The following GALNT2 variants were observed in gnomAD, a reference collection of about 807,000 sequenced individuals.
The protein encoded by GALNT2 is polypeptide N-acetylgalactosaminyltransferase 2.
GALNT2 carries 31 observed loss-of-function variants against 81.4 expected under a neutral mutation model. The ratio of observed to expected loss-of-function variants is 0.38; its 90% CI spans 0.29 to 0.51. The LOEUF (loss-of-function observed/expected upper bound fraction) is 0.51. GALNT2 is among the 20% of genes least tolerant of loss of function. GALNT2 has a pLI of 0.87. For synonymous variants in GALNT2, 303 were observed against 287.4 expected, an observed-to-expected ratio of 1.05 and a Z score of -0.55; for missense variants, 629 against 765.7, an observed-to-expected ratio of 0.82 and a Z score of 2.11.
At chr1:230,262,543 A>G (rs776063626) in intron 11 of GALNT2, 30 bp from the exon 12 acceptor site, 5 of 1,581,436 alleles carry the variant, frequency 3.2e-6, no homozygotes, top group Non-Finnish European at 4.3e-6. Flanking sequence ...AAGAAAGGAA[A>G]TCACACCTCA....
At chr1:230,250,607 G>T (rs1473526554) in intron 10 of GALNT2, 47 bp downstream of exon 10, 10 of 1,428,296 alleles carry the variant, frequency 7.0e-6, no homozygotes, top group Non-Finnish European at 8.6e-6. Flanking sequence ...CCTCAGCTCT[G>T]CAAAAGGCAG....
intron 1 of GALNT2, among the ~76,000 whole-genome samples, chr1:230,083,274 G>A (rs1479903477): frequency 6.9e-6 from 1 of 143,998 alleles, no homozygotes; most frequent in Non-Finnish European, 1.5e-5. Flanking sequence ...ATGATGGAGT[G>A]GGGAGCCCAG....
intron 3 of GALNT2, among the ~76,000 whole-genome samples, chr1:230,209,614 G>C (rs1244210165): frequency 6.6e-6 from 1 of 152,192 alleles, no homozygotes; most frequent in East Asian, 1.9e-4. Flanking sequence ...GGCCAAGGCG[G>C]GTGAATCGCT....
chr1:230,265,183 T>G (rs1572155800), intron 13 of GALNT2, 58 bp from the exon 14 acceptor site: 1 of 1,610,898 alleles, frequency 6.2e-7, no homozygotes, highest in Non-Finnish European at 8.5e-7. Context: ...AAGGGGCTGG[T>G]GGACGGGAGC....
At chr1:230,077,654 C>T (rs946055181) in intron 1 of GALNT2, among the ~76,000 whole-genome samples, 1 of 152,168 alleles carries the variant, frequency 6.6e-6, no homozygotes, top group African/African-American at 2.4e-5. Context: ...AGTCCAAGCA[C>T]TCTGAGTCAC....
intron 1 of GALNT2, among the ~76,000 whole-genome samples, chr1:230,113,411 G>T (rs1028837626): frequency 1.3e-5 from 2 of 152,062 alleles, no homozygotes; most frequent in Admixed American, 6.6e-5. Context: ...ACCTGGAGCT[G>T]CAGGGCGGAG....
intron 1 of GALNT2, among the ~76,000 whole-genome samples, chr1:230,130,329 G>A (rs561241735): frequency 6.6e-5 from 10 of 152,296 alleles, no homozygotes; most frequent in African/African-American, 9.6e-5. Flanking sequence ...AATAGCCACC[G>A]AGTGGCTTGG....
chr1:230,184,006 A>G (rs1663239169), intron 2 of GALNT2, among the ~76,000 whole-genome samples: 1 of 151,334 alleles, frequency 6.6e-6, no homozygotes, highest in Non-Finnish European at 1.5e-5. Context: ...TTTTTATTTT[A>G]CCTTCACTTA....
At chr1:230,140,943 A>T (rs1233425643) in intron 1 of GALNT2, among the ~76,000 whole-genome samples, 1 of 152,240 alleles carries the variant, frequency 6.6e-6, no homozygotes. Context: ...TCTAGTTCTG[A>T]AATAGCTATA....
At chr1:230,138,544 AT>A (rs1398216436) in intron 1 of GALNT2, among the ~76,000 whole-genome samples, 1 of 151,540 alleles carries the variant, frequency 6.6e-6, no homozygotes. Context: ...AAAAAAAAAA[AT>A]GAAACAGAAG....
intron 1 of GALNT2, among the ~76,000 whole-genome samples, chr1:230,158,161 A>G (rs1662319484): frequency 6.6e-6 from 1 of 152,068 alleles, no homozygotes; most frequent in African/African-American, 2.4e-5. Flanking sequence ...GCGTGGTGGA[A>G]CACAGAGAGC....
chr1:230,215,003 C>G (rs1486286016), intron 3 of GALNT2, among the ~76,000 whole-genome samples: 1 of 152,132 alleles, frequency 6.6e-6, no homozygotes, highest in East Asian at 1.9e-4. Context: ...ACTTTTTCCT[C>G]CAAAGAGGAT....
At chr1:230,199,542 T>C (rs983112508) in intron 2 of GALNT2, among the ~76,000 whole-genome samples, 5 of 152,202 alleles carry the variant, frequency 3.3e-5, no homozygotes, top group Admixed American at 1.3e-4. Context: ...AAGTTTGGTA[T>C]TGTGAGACTT....
At chr1:230,144,509 T>C (rs1291880403) in intron 1 of GALNT2, among the ~76,000 whole-genome samples, 1 of 152,202 alleles carries the variant, frequency 6.6e-6, no homozygotes, top group African/African-American at 2.4e-5. Context: ...GTAATAATTA[T>C]GTCGACTTCA....
At chr1:230,094,798 T>A (rs952769746) in intron 1 of GALNT2, among the ~76,000 whole-genome samples, 1 of 152,120 alleles carries the variant, frequency 6.6e-6, no homozygotes, top group Admixed American at 6.5e-5. Context: ...TTACCTTGAA[T>A]CTTCTTAGGT....
intron 1 of GALNT2, 28 bp from the exon 2 acceptor site, chr1:230,178,190 A>C: frequency 6.4e-7 from 1 of 1,552,582 alleles, no homozygotes. Context: ...AGAACAAGTC[A>C]ACTCATTCAG....
chr1:230,240,543 T>G (rs2102739424), intron 6 of GALNT2, among the ~76,000 whole-genome samples: 1 of 152,242 alleles, frequency 6.6e-6, no homozygotes, highest in East Asian at 1.9e-4. Flanking sequence ...AGTGAGCCAA[T>G]ATTGTGCCAC....
chr1:230,202,444 G>A (rs1448925929), intron 2 of GALNT2, among the ~76,000 whole-genome samples: 1 of 152,178 alleles, frequency 6.6e-6, no homozygotes, highest in Non-Finnish European at 1.5e-5. Context: ...GCATTCTAGG[G>A]TTCAGGCCAA....
At chr1:230,078,781 T>A (rs1659641270) in intron 1 of GALNT2, among the ~76,000 whole-genome samples, 1 of 152,214 alleles carries the variant, frequency 6.6e-6, no homozygotes. Context: ...CCACCAGAGT[T>A]CACTGTAGAT....
Sources: gnomAD v4.1 joint callset for allele counts (sites outside exome capture counted in the v4.1 genomes callset) on GRCh38, gnomAD v4.1.1 for gene constraint, MANE v1.5 for transcripts, NCBI Gene and HGNC (gene_info 2026-07-23, HGNC 2026-07-21) for gene names.